Variants in FANCI observed in about 807,000 individuals in gnomAD.
FANCI encodes Fanconi anemia group I protein.
In FANCI, 156 loss-of-function variants were observed where a neutral mutation model predicts 176.1. The observed-to-expected ratio is 0.89, with a 90% CI of 0.78 to 1.01. The LOEUF is 1.01. Among genes scored for constraint, FANCI ranks in the 50% least tolerant of loss-of-function variants. The pLI is 0.00. For missense variants in FANCI, 1,678 were observed against 1,534.1 expected (o/e 1.09, Z -1.57); for synonymous variants, 613 against 541.7 (o/e 1.13, Z -1.83).
In FANCI at chr15:89,274,779, G is replaced by GT. The variant is rs376649726; in HGVS notation, c.1112+481dup. On this transcript the variant is annotated intron_variant, in intron 12 of 37. Coordinates refer to ENST00000310775, the MANE Select transcript of FANCI (RefSeq NM_001113378.2). ...TCCACCATGCCCAAGTAATTTTTGC[G>GT]TTTTTTGTAGAGACAGAGTTTCGCC... Among the ~76,000 whole-genome samples the GT allele has an allele frequency of 3.6e-3, 552 of 151,306 alleles. 5 individuals carry two copies. Among genetic ancestry groups the GT allele is most frequent in the African/African-American group, 0.013 (531 of 41,298 alleles).
Position 89,316,991 on chromosome 15 carries a change from TATATAAGTGTGTCTTAG to T in FANCI, c.*538_*554del. The T allele has an allele frequency of 1.5e-6, 1 of 658,776 alleles. No individual in the cohort carries two copies. Among genetic ancestry groups the T allele is most frequent in the South Asian group, 1.7e-5 (1 of 59,402 alleles). The allele number at this position is 658,776 out of a possible 1,614,324, so 40.8% of individuals were successfully genotyped here. ...ATGTTAGGAGGGTCTGTTTTCTTTT[TATATAAGTGTGTCTTAG>T]ATATATTTTAAATAGAAAATAAGCT... On this transcript the variant is annotated 3_prime_UTR_variant, in exon 38 of 38. Coordinates refer to ENST00000310775, the MANE Select transcript of FANCI (RefSeq NM_001113378.2).
chr15:89,273,557 G>A, intron 11 of FANCI, 88 bp downstream of exon 11: 1 of 820,762 alleles, frequency 1.2e-6, no homozygotes, highest in South Asian at 1.5e-5. Context: ...TGTTTTTGTT[G>A]TATCCGTTCC....
chr15:89,260,634 C>G, intron 3 of FANCI, 79 bp from the exon 4 acceptor site: 1 of 1,542,044 alleles, frequency 6.5e-7, no homozygotes, highest in Non-Finnish European at 8.9e-7. Flanking sequence ...TTGTATTTAA[C>G]TACAAACCTG....
rs371433843 is a variant in FANCI, at chr15:89,314,834, TCTCCC to T, written c.3816+129_3816+133del. 3,403 of 349,296 alleles carry T rather than the reference TCTCCC, an allele frequency of 9.7e-3. 144 individuals are homozygous for T. Among genetic ancestry groups the T allele is most frequent in the African/African-American group, 0.044 (1,163 of 26,302 alleles). The allele number at this position is 349,296 out of a possible 1,614,324, so 21.6% of individuals were successfully genotyped here. A position where few individuals can be genotyped will look rare whatever the true frequency, so the allele number is the denominator to read the frequency against. On this transcript the variant is annotated intron_variant, in intron 36 of 37. Coordinates refer to ENST00000310775, the MANE Select transcript of FANCI (RefSeq NM_001113378.2). The stretch of plus-strand genomic sequence containing the variant: ...CCATTTGTGTGTTTGCCATCCCCCC[TCTCCC>T]CCCCCCCCCCTTTTTTTTTTTGAGA...
Position 89,288,559 on chromosome 15 carries a change from TAAA to T in FANCI, c.1822-1653_1822-1651del, listed in dbSNP as rs150789221. On this transcript the variant is annotated intron_variant, in intron 18 of 37. Coordinates refer to ENST00000310775, the MANE Select transcript of FANCI (RefSeq NM_001113378.2). ...TTTTTTAATATGATCCTTTTACACT[TAAA>T]TAATAATTTTTGGTTACTAAATCTA... Among the ~76,000 whole-genome samples, 899 of 152,194 alleles carry T rather than the reference TAAA, an allele frequency of 5.9e-3. 10 individuals carry two copies. The highest frequency in any genetic ancestry group is 0.02 in the African/African-American group (843 of 41,526).
In FANCI at chr15:89,262,815, A is replaced by G. The variant is rs117806474; in HGVS notation, c.504-604A>G. 7.5e-3 allele frequency among the ~76,000 whole-genome samples: 1,139 copies of G among 152,318 alleles called. 3 individuals are homozygous for G. Among genetic ancestry groups the G allele is most frequent in the Non-Finnish European group, 0.011 (775 of 68,034 alleles). Reference sequence around the variant, plus strand: ...TCTTTTTAATGGTTTGCAGTAATCTATTATTTGGCTAATCTACAATTGTCA... The same window carrying G: ...TCTTTTTAATGGTTTGCAGTAATCTGTTATTTGGCTAATCTACAATTGTCA... On this transcript the variant is annotated intron_variant, in intron 6 of 37. Transcript: ENST00000310775.
intron 16 of FANCI, 84 bp from the exon 17 acceptor site, chr15:89,283,052 T>C: frequency 7.6e-7 from 1 of 1,312,734 alleles, no homozygotes; most frequent in South Asian, 1.2e-5. Context: ...GCCTTCTCTG[T>C]ATGCAACTAG....
chr15:89,296,156 G>T (rs946056036), intron 24 of FANCI, among the ~76,000 whole-genome samples: 1 of 152,068 alleles, frequency 6.6e-6, no homozygotes, highest in Non-Finnish European at 1.5e-5. Context: ...GTAGAGACAG[G>T]GTTTCACCAT....
chr15:89,246,821 A>G (rs1406512638), intron 1 of FANCI, among the ~76,000 whole-genome samples: 2 of 130,000 alleles, frequency 1.5e-5, no homozygotes, highest in Non-Finnish European at 3.1e-5. Flanking sequence ...GCTGGAGTGC[A>G]GTGGCGTGAT....
chr15:89,251,153 C>G (rs2052230933), intron 2 of FANCI, among the ~76,000 whole-genome samples: 1 of 151,976 alleles, frequency 6.6e-6, no homozygotes, highest in South Asian at 2.1e-4. Flanking sequence ...GAGAAAATCT[C>G]AAAAAATACT....
At chr15:89,308,946 A>G (rs2054840404) in intron 34 of FANCI, among the ~76,000 whole-genome samples, 1 of 54,020 alleles carries the variant, frequency 1.9e-5, no homozygotes, top group South Asian at 5.9e-4. Context: ...ACTCCGTCTC[A>G]AAAAAAAAAA....
intron 24 of FANCI, among the ~76,000 whole-genome samples, chr15:89,296,429 GTTTTGTTTTTGT>G (rs761362209): frequency 3.3e-5 from 5 of 151,642 alleles, no homozygotes; most frequent in South Asian, 2.1e-4. Flanking sequence ...TTTTTGTTTT[GTTTTGTTTTTGT>G]TTTTGTTTTT....
intron 32 of FANCI, 95 bp downstream of exon 32, chr15:89,306,289 C>A: frequency 7.7e-7 from 1 of 1,291,054 alleles, no homozygotes. Context: ...CAGAATGCCC[C>A]TAAACAAGAG....
rs35262131 is a variant in FANCI at position 89,283,236 on chromosome 15, C to G, written c.1684C>G (p.Leu562Val). 1 of 1,613,946 alleles carries G rather than the reference C, an allele frequency of 6.2e-7. No homozygotes were observed. Among genetic ancestry groups the G allele is most frequent in the Non-Finnish European group, 8.5e-7 (1 of 1,179,908 alleles). Residue 562 changes from leucine to valine, a missense_variant, in exon 17 of 38, where the codon CTC (leucine) becomes GTC (valine). Leu to Val is a conservative substitution (Grantham distance 32). Around this residue, in one of 3 missense-constraint regions of FANCI, gnomAD observed 1,204 missense variants for 1,077.4 expected, o/e 1.12. Transcript: ENST00000310775. ...SLSSSQCSQS[L>V]SVSQVHVDVH... ...GTCATCCTCTCAGTGCAGTCAGTCT[C>G]TCAGTGTCAGTCAGGTAAGGATTAT...
intron 2 of FANCI, among the ~76,000 whole-genome samples, chr15:89,257,675 C>T (rs1385482154): frequency 6.6e-6 from 1 of 152,156 alleles, no homozygotes; most frequent in African/African-American, 2.4e-5. Context: ...AGCCCAATTT[C>T]CAAATAAGGT....
chr15:89,303,940 A>G (rs1214728616), intron 28 of FANCI, 25 bp downstream of exon 28: 18 of 1,609,398 alleles, frequency 1.1e-5, no homozygotes, highest in Non-Finnish European at 1.5e-5. Context: ...ATGTTTTCCT[A>G]AAGGCTTTAT....
At chr15:89,266,203 C>G (rs2052953377) in intron 9 of FANCI, among the ~76,000 whole-genome samples, 1 of 147,922 alleles carries the variant, frequency 6.8e-6, no homozygotes, top group Non-Finnish European at 1.5e-5. Flanking sequence ...TCTCTGTCAC[C>G]CAGGCTGGAG....
intron 2 of FANCI, among the ~76,000 whole-genome samples, chr15:89,248,238 T>C (rs1320446365): frequency 6.6e-6 from 1 of 152,212 alleles, no homozygotes; most frequent in African/African-American, 2.4e-5. Flanking sequence ...TTAGGCTGTT[T>C]CTTCTCCCTA....
chr15:89,305,917 C>A, intron 31 of FANCI, 90 bp from the exon 32 acceptor site: 3 of 1,364,420 alleles, frequency 2.2e-6, no homozygotes, highest in Admixed American at 3.4e-5. Flanking sequence ...TAAAGACTTT[C>A]TAGTTAGTAG....
Sources: allele counts gnomAD v4.1 joint callset (sites outside exome capture counted in the v4.1 genomes callset), GRCh38; gene constraint gnomAD v4.1.1; regional missense constraint gnomAD v4.1.1; transcripts MANE v1.5; gene names NCBI Gene and HGNC (gene_info 2026-07-23, HGNC 2026-07-21).